PLCB4: variants seen among roughly 807,000 people sequenced by gnomAD.
PLCB4 encodes phospholipase C beta 4.
In PLCB4, 77 loss-of-function variants were observed where a neutral mutation model predicts 178.8. The observed-to-expected ratio is 0.43, with a 90% CI of 0.36 to 0.52. The LOEUF (loss-of-function observed/expected upper bound fraction) is 0.52. Among genes scored for constraint, PLCB4 ranks in the 20% least tolerant of loss-of-function variants. The pLI is 0.00. For missense variants in PLCB4, 1,024 were observed against 1,453.4 expected (o/e 0.70, Z 4.80); for synonymous variants, 496 against 490.8 (o/e 1.01, Z -0.14).
chr20:9,289,445 C>T (rs1032096323), intron 3 of PLCB4, among the ~76,000 whole-genome samples: 7 of 151,854 alleles, frequency 4.6e-5, no homozygotes, highest in African/African-American at 9.7e-5. Flanking sequence ...TGAAATTATT[C>T]GGGTTTTTTT....
Position 9,191,480 on chromosome 20 carries a change from G to A in PLCB4, c.-78-25910G>A, listed in dbSNP as rs1278916760. Among the ~76,000 whole-genome samples the A allele has an allele frequency of 2.0e-5, 3 of 149,804 alleles. No homozygotes were observed. In the Admixed American group the frequency reaches 2.0e-4, roughly 10 times the overall value. On this transcript the variant is annotated intron_variant, in intron 2 of 39. Coordinates refer to ENST00000378473, the MANE Select transcript of PLCB4 (RefSeq NM_001377142.1). ...TGGTAACTTGATCTTGGACTTTGCA[G>A]CCTCCAGAACTGTGAGAAATAAATT...
At chr20:9,277,571 G>T (rs1355114826) in intron 3 of PLCB4, among the ~76,000 whole-genome samples, 3 of 151,968 alleles carry the variant, frequency 2.0e-5, no homozygotes, top group Non-Finnish European at 4.4e-5. Context: ...TGTTAACCTT[G>T]CACCACAGTT....
At chr20:9,240,886 G>T (rs1269426374) in intron 3 of PLCB4, among the ~76,000 whole-genome samples, 1 of 152,150 alleles carries the variant, frequency 6.6e-6, no homozygotes, top group African/African-American at 2.4e-5. Context: ...GTAAACCGTT[G>T]TCTGCTCTGA....
At chr20:9,151,832 T>G (rs1004023870) in intron 2 of PLCB4, among the ~76,000 whole-genome samples, 3 of 151,960 alleles carry the variant, frequency 2.0e-5, no homozygotes, top group African/African-American at 7.3e-5. Context: ...GATAGGAAAA[T>G]GTGGGAAAGT....
At chr20:9,444,080 T>C in intron 31 of PLCB4, 50 bp downstream of exon 31, 1 of 1,442,294 alleles carries the variant, frequency 6.9e-7, no homozygotes, top group Non-Finnish European at 9.7e-7. Flanking sequence ...CACATATTGG[T>C]GACACCAATA....
rs181001632 is a variant in PLCB4 at position 9,200,660 on chromosome 20, C to T, written c.-78-16730C>T. On this transcript the variant is annotated intron_variant, in intron 2 of 39. Transcript: ENST00000378473. ...TCCTTCACTTGCTGTTTTCCAGCTA[C>T]GTTGGTCTCTTCACCCTTGCAGAAT... 2.0e-4 allele frequency among the ~76,000 whole-genome samples: 30 copies of T among 152,270 alleles called. No individual in the cohort carries two copies. In the East Asian group the frequency reaches 4.2e-3, roughly 22 times the overall value.
At chr20:9,228,395 C>CT (rs1223072800) in intron 3 of PLCB4, among the ~76,000 whole-genome samples, 1 of 152,070 alleles carries the variant, frequency 6.6e-6, no homozygotes, top group African/African-American at 2.4e-5. Context: ...TAGACCATTC[C>CT]TTTTTGAGTA....
intron 3 of PLCB4, among the ~76,000 whole-genome samples, chr20:9,249,895 A>G (rs2094162503): frequency 6.6e-6 from 1 of 152,304 alleles, no homozygotes; most frequent in South Asian, 2.1e-4. Context: ...CACTGAAAGA[A>G]CCAGGTAAAT....
intron 1 of PLCB4, among the ~76,000 whole-genome samples, chr20:9,092,165 C>T (rs2090712727): frequency 6.6e-6 from 1 of 152,122 alleles, no homozygotes; most frequent in Non-Finnish European, 1.5e-5. Context: ...TAAATATTTA[C>T]TTTTCTTTGT....
intron 4 of PLCB4, among the ~76,000 whole-genome samples, chr20:9,312,353 TACACACACACACACAC>T (rs34443371): frequency 3.3e-4 from 42 of 127,866 alleles, no homozygotes; most frequent in African/African-American, 9.9e-4. Flanking sequence ...CCTTCCACCC[TACACACACACACACAC>T]ACACACACAC....
chr20:9,351,612 AAGACAGAGAACC>A (rs1435237611), intron 7 of PLCB4, among the ~76,000 whole-genome samples: 2 of 152,146 alleles, frequency 1.3e-5, no homozygotes, highest in Admixed American at 1.3e-4. Context: ...TTTACCTTAA[AAGACAGAGAACC>A]AGGTAATGAA....
chr20:9,387,862 T>A (rs1425188799), intron 15 of PLCB4, among the ~76,000 whole-genome samples: 2 of 152,236 alleles, frequency 1.3e-5, no homozygotes, highest in Non-Finnish European at 2.9e-5. Context: ...CTTATTTACT[T>A]TACATTATTC....
intron 4 of PLCB4, among the ~76,000 whole-genome samples, chr20:9,330,217 A>G (rs373502335): frequency 1.3e-5 from 2 of 152,094 alleles, no homozygotes; most frequent in African/African-American, 4.8e-5. Flanking sequence ...CCCAGTCTGA[A>G]GGCCACACCC....
chr20:9,354,953 T>G (rs573009577), intron 7 of PLCB4, among the ~76,000 whole-genome samples: 1 of 152,286 alleles, frequency 6.6e-6, no homozygotes, highest in East Asian at 1.9e-4. Context: ...TAGGTTCACG[T>G]TAGAGTTACC....
chr20:9,119,952 G>A (rs780750581), intron 2 of PLCB4, among the ~76,000 whole-genome samples: 1 of 152,230 alleles, frequency 6.6e-6, no homozygotes, highest in Non-Finnish European at 1.5e-5. Flanking sequence ...AGCCGGGAGT[G>A]TGTTTGCAGA....
At chr20:9,376,126 G>C (rs139817071) in intron 12 of PLCB4, among the ~76,000 whole-genome samples, 1 of 152,138 alleles carries the variant, frequency 6.6e-6, no homozygotes, top group East Asian at 1.9e-4. Context: ...AGTAGCTTTA[G>C]ACCTGACTCC....
At chr20:9,478,666 A>G (rs1036673364) in intron 39 of PLCB4, among the ~76,000 whole-genome samples, 1 of 152,154 alleles carries the variant, frequency 6.6e-6, no homozygotes, top group Non-Finnish European at 1.5e-5. Context: ...CCAAAATTTA[A>G]TGTGTATAAA....
At chr20:9,265,977 G>A (rs573692264) in intron 3 of PLCB4, among the ~76,000 whole-genome samples, 2 of 152,278 alleles carry the variant, frequency 1.3e-5, no homozygotes, top group Non-Finnish European at 2.9e-5. Context: ...TGAGGAGCAC[G>A]CCTCTAAAAA....
chr20:9,338,976 G>A lies in PLCB4; in HGVS notation c.308G>A (p.Gly103Asp), dbSNP rs777212339. ...LEGRIVCVCS[G>D]TDLVNISFTY... is the part of the protein sequence containing the mutation. ...GGGCGGATAGTTTGTGTCTGCAGTG[G>A]CACAGATCTAGTGAACATTAGTTTT... The change falls in exon 7 of 40, where the codon GGC becomes GAC. Residue 103 changes from glycine (G) to aspartate (D), a missense_variant. Physicochemically the swap from Gly to Asp is moderately conservative, Grantham distance 94. Coordinates refer to ENST00000378473, the MANE Select transcript of PLCB4 (RefSeq NM_001377142.1). 6.2e-7 allele frequency: 1 copy of A among 1,612,566 alleles called. No individual in the cohort carries two copies. Among genetic ancestry groups the A allele is most frequent in the Non-Finnish European group, 8.5e-7 (1 of 1,178,882 alleles).
Sources: gnomAD v4.1 joint callset for allele counts (sites outside exome capture counted in the v4.1 genomes callset) on GRCh38, gnomAD v4.1.1 for gene constraint, MANE v1.5 for transcripts, NCBI Gene and HGNC (gene_info 2026-07-23, HGNC 2026-07-21) for gene names.